Variants in LCP1 observed in about 807,000 individuals in gnomAD.
LCP1 encodes the protein plastin-2.
LCP1 carries 23 observed loss-of-function variants against 72.0 expected under a neutral mutation model. That is an observed-to-expected ratio of 0.32 (90% confidence interval 0.23 to 0.45). LCP1 has a LOEUF of 0.45. Among genes scored for constraint, LCP1 ranks in the 20% least tolerant of loss-of-function variants. The pLI, the probability that LCP1 is intolerant of heterozygous loss-of-function variation, is 1.00. For synonymous variants in LCP1, 245 were observed against 275.4 expected (o/e 0.89, Z 1.09); for missense variants, 571 against 748.3 (o/e 0.76, Z 2.76).
intron 4 of LCP1, among the ~76,000 whole-genome samples, chr13:46,157,808 G>T (rs1410799554): frequency 1.4e-5 from 2 of 140,026 alleles, no homozygotes; most frequent in Non-Finnish European, 1.5e-5. Flanking sequence ...GTGCAATGGT[G>T]CAATCTCGGC....
At chr13:46,181,761 AAAG>A (rs2045957090) in intron 1 of LCP1, among the ~76,000 whole-genome samples, 1 of 152,248 alleles carries the variant, frequency 6.6e-6, no homozygotes, top group Non-Finnish European at 1.5e-5. Context: ...AAAACATTTT[AAAG>A]AAGATAAAAT....
At chr13:46,148,092 T>C (rs1391898222) in intron 9 of LCP1, among the ~76,000 whole-genome samples, 10 of 152,258 alleles carry the variant, frequency 6.6e-5, no homozygotes, top group Non-Finnish European at 1.5e-4. Flanking sequence ...TAGAGTCTAC[T>C]AAATGATGAA....
At chr13:46,142,562 G>A in intron 12 of LCP1, 137 bp from the exon 13 acceptor site, 1 of 886,024 alleles carries the variant, frequency 1.1e-6, no homozygotes, top group Non-Finnish European at 1.7e-6. Context: ...AACTGGTTCT[G>A]CAATTCTAGG....
intron 1 of LCP1, among the ~76,000 whole-genome samples, chr13:46,161,598 T>A (rs866101035): frequency 6.6e-6 from 1 of 152,142 alleles, no homozygotes; most frequent in African/African-American, 2.4e-5. Flanking sequence ...TTTCCTACCT[T>A]CCTTCCTTCC....
intron 1 of LCP1, among the ~76,000 whole-genome samples, chr13:46,178,865 C>G (rs770150916): frequency 6.6e-6 from 1 of 152,102 alleles, no homozygotes; most frequent in Non-Finnish European, 1.5e-5. Context: ...ATAAGTATAA[C>G]CTTATAAGCA....
At chr13:46,177,152 A>G (rs1418213034) in intron 1 of LCP1, among the ~76,000 whole-genome samples, 2 of 152,208 alleles carry the variant, frequency 1.3e-5, no homozygotes, top group Non-Finnish European at 1.5e-5. Flanking sequence ...TAAGTGGTTC[A>G]CTTTTACCTC....
chr13:46,162,360 G>A (rs1216612184), intron 1 of LCP1, among the ~76,000 whole-genome samples: 4 of 149,812 alleles, frequency 2.7e-5, no homozygotes, highest in Admixed American at 2.7e-4. Flanking sequence ...GCAGAAGCTG[G>A]ACTGTACTGC....
chr13:46,152,034 C>G (rs1799237685), intron 7 of LCP1, among the ~76,000 whole-genome samples: 1 of 152,164 alleles, frequency 6.6e-6, no homozygotes, highest in South Asian at 2.1e-4. Context: ...TTTATTCTAG[C>G]CTGCATAGAT....
chr13:46,165,318 G>A (rs1464583439), intron 1 of LCP1, among the ~76,000 whole-genome samples: 3 of 151,546 alleles, frequency 2.0e-5, no homozygotes, highest in Non-Finnish European at 4.4e-5. Context: ...AGGTTGCAGT[G>A]AACTGAGATC....
chr13:46,158,389 T>A (rs1279775284), intron 4 of LCP1, 133 bp downstream of exon 4: 1 of 928,878 alleles, frequency 1.1e-6, no homozygotes, highest in Admixed American at 2.7e-5. Flanking sequence ...CTGACCCACT[T>A]AGTCACAGGA....
At chr13:46,145,765 C>A (rs1355995003) in intron 10 of LCP1, among the ~76,000 whole-genome samples, 1 of 117,032 alleles carries the variant, frequency 8.5e-6, no homozygotes, top group Non-Finnish European at 1.7e-5. Context: ...AAAAATTAGC[C>A]GGGCGTAGTG....
intron 1 of LCP1, among the ~76,000 whole-genome samples, chr13:46,180,161 C>T (rs1566449091): frequency 6.6e-6 from 1 of 152,142 alleles, no homozygotes; most frequent in Non-Finnish European, 1.5e-5. Context: ...TCCTGGCCAT[C>T]TACTGCCCCC....
Position 46,139,667 on chromosome 13 carries a change from T to A in LCP1, c.1502+2625A>T, listed in dbSNP as rs151067282. On this transcript the variant is annotated intron_variant, in intron 13 of 15. Transcript: ENST00000323076. Reference sequence around the variant, plus strand: ...GACTGAAGCATTTACAAGTAAATTATTTTATTACTTACAGAATTCCTATCT... The same window carrying A: ...GACTGAAGCATTTACAAGTAAATTAATTTATTACTTACAGAATTCCTATCT... Among the ~76,000 whole-genome samples the A allele has an allele frequency of 4.6e-3, 697 of 152,360 alleles. 6 individuals are homozygous for A. The highest frequency in any genetic ancestry group is 0.016 in the African/African-American group (665 of 41,586).
intron 1 of LCP1, among the ~76,000 whole-genome samples, chr13:46,161,969 G>T (rs1225536752): frequency 1.3e-5 from 2 of 152,316 alleles, no homozygotes; most frequent in Non-Finnish European, 2.9e-5. Flanking sequence ...CCATTTGTGG[G>T]ATGGGGTAAA....
At chr13:46,156,599 T>C (rs771865507) in intron 4 of LCP1, 29 bp from the exon 5 acceptor site, 12 of 1,613,670 alleles carry the variant, frequency 7.4e-6, no homozygotes, top group Non-Finnish European at 9.3e-6. Flanking sequence ...AGTGACTCAT[T>C]TGCAAAGTGA....
chr13:46,129,351 AC>A (rs143902638), intron 15 of LCP1, among the ~76,000 whole-genome samples: 2,125 of 152,266 alleles, frequency 0.014, 45 homozygotes, highest in African/African-American at 0.047. Flanking sequence ...CTCCCCTTGA[AC>A]ATCTGGGCTG....
At chr13:46,142,240 G>A (rs781234679) in intron 13 of LCP1, 52 bp downstream of exon 13, 3 of 1,569,944 alleles carry the variant, frequency 1.9e-6, no homozygotes, top group Non-Finnish European at 2.6e-6. Context: ...GCTAATATTT[G>A]TCTAAGTAAA....
At chr13:46,178,379 A>G (rs1161292299) in intron 1 of LCP1, among the ~76,000 whole-genome samples, 1 of 152,194 alleles carries the variant, frequency 6.6e-6, no homozygotes, top group East Asian at 1.9e-4. Flanking sequence ...GGAACAGTCA[A>G]TAGTATAAGG....
rs185641235 is a variant in LCP1, at chr13:46,127,741, G to A, written c.1752-18C>T. On this transcript the variant is annotated intron_variant, in intron 15 of 15. Coordinates refer to ENST00000323076, the MANE Select transcript of LCP1 (RefSeq NM_002298.5). ...TGGCATATCTAAAAGGGAGAAAAGA[G>A]GAAAAATAAGGAGAGCCTGAGAAAC... The A allele has an allele frequency of 9.9e-4, 1,594 of 1,613,618 alleles. 2 individuals carry two copies. The highest frequency in any genetic ancestry group is 1.1e-3 in the Non-Finnish European group (1,270 of 1,179,818).
Sources: allele counts gnomAD v4.1 joint callset (sites outside exome capture counted in the v4.1 genomes callset), GRCh38; gene constraint gnomAD v4.1.1; transcripts MANE v1.5; gene names NCBI Gene and HGNC (gene_info 2026-07-23, HGNC 2026-07-21).